The following WDR1 variants were observed in gnomAD, a reference collection of about 807,000 sequenced individuals.
WDR1 encodes the protein WD repeat-containing protein 1.
A neutral mutation model predicts 71.9 loss-of-function variants in WDR1; 21 were observed. The ratio of observed to expected loss-of-function variants is 0.29; its 90% CI spans 0.21 to 0.42. The LOEUF is 0.42. Ranked by LOEUF, WDR1 falls within the 10% of genes least tolerant of loss-of-function variation. The probability of loss-of-function intolerance (pLI) is 1.00; values close to 1 mark genes in which losing one functional copy is unlikely to be tolerated. For missense variants in WDR1, 696 were observed against 824.5 expected (o/e 0.84, Z 1.91); for synonymous variants, 424 against 347.4 (o/e 1.22, Z -2.45).
At chr4:10,100,485 G>C (rs1292651450) in intron 3 of WDR1, among the ~76,000 whole-genome samples, 2 of 152,256 alleles carry the variant, frequency 1.3e-5, no homozygotes, top group African/African-American at 2.4e-5. Flanking sequence ...CACAGGCCAC[G>C]AAGATGCCTT....
intron 6 of WDR1, 95 bp downstream of exon 6, chr4:10,088,569 T>G (rs113914931): frequency 4.9e-6 from 6 of 1,213,322 alleles, no homozygotes; most frequent in African/African-American, 3.0e-5. Flanking sequence ...AAGTTCTGCA[T>G]GTCAGGACTA....
At chr4:10,116,519 C>T (rs1713744918) in intron 1 of WDR1, 132 bp downstream of exon 1, 4 of 726,356 alleles carry the variant, frequency 5.5e-6, no homozygotes, top group Non-Finnish European at 5.2e-6. Context: ...GGCCCCGCCA[C>T]GCCTCCGGCC....
intron 5 of WDR1, among the ~76,000 whole-genome samples, chr4:10,090,832 C>T (rs561375978): frequency 6.6e-6 from 1 of 152,392 alleles, no homozygotes; most frequent in East Asian, 1.9e-4. Flanking sequence ...ACGTTTCCAT[C>T]CCAGTGGATG....
chr4:10,112,887 T>G (rs145616531), intron 2 of WDR1, among the ~76,000 whole-genome samples: 2 of 152,364 alleles, frequency 1.3e-5, no homozygotes, highest in East Asian at 3.9e-4. Flanking sequence ...GGCCTGGAGC[T>G]GATGCCCAGT....
chr4:10,093,121 C>T (rs776245586), intron 5 of WDR1: 33 of 1,289,436 alleles, frequency 2.6e-5, no homozygotes, highest in East Asian at 1.7e-4. Flanking sequence ...AGCGACAGAG[C>T]GCTGCAGGCC....
intron 8 of WDR1, among the ~76,000 whole-genome samples, chr4:10,086,380 G>A (rs533950740): frequency 1.5e-4 from 23 of 152,316 alleles, no homozygotes; most frequent in African/African-American, 5.5e-4. Flanking sequence ...CCTCTCAGCA[G>A]TGCTGCTGCC....
intron 5 of WDR1, chr4:10,094,701 G>A (rs1320000564): frequency 6.6e-6 from 1 of 152,168 alleles, no homozygotes; most frequent in Non-Finnish European, 1.5e-5. Context: ...CAATGTCACT[G>A]GGTAGGAATG....
At chr4:10,087,628 G>A (rs538612649) in intron 8 of WDR1, 79 bp downstream of exon 8, 77 of 1,380,018 alleles carry the variant, frequency 5.6e-5, no homozygotes, top group Middle Eastern at 5.0e-4. Flanking sequence ...GCTTCCCCTC[G>A]GTTCCCCTTC....
rs576974911 is a variant in WDR1, at chr4:10,088,650, A to C, written c.636+14T>G. On this transcript the variant is annotated intron_variant, in intron 6 of 14. Coordinates refer to ENST00000499869, the MANE Select transcript of WDR1 (RefSeq NM_017491.5). ...CAAGCCATTCCCCACCCCAAAACCC[A>C]TCCCAGTTCTTACCTGGCCGTCAGC... 1 of 1,594,998 alleles carries C rather than the reference A, an allele frequency of 6.3e-7. No individual in the cohort carries two copies. The highest frequency in any genetic ancestry group is 1.7e-5 in the Admixed American group (1 of 57,848).
At chr4:10,086,955 C>A (rs1164281894) in intron 8 of WDR1, among the ~76,000 whole-genome samples, 1 of 152,114 alleles carries the variant, frequency 6.6e-6, no homozygotes, top group Non-Finnish European at 1.5e-5. Flanking sequence ...GGCTCCTGTC[C>A]AGCTGCGAGA....
chr4:10,084,311 CG>C, intron 9 of WDR1, 131 bp downstream of exon 9: 1 of 766,520 alleles, frequency 1.3e-6, no homozygotes, highest in Non-Finnish European at 2.2e-6. Context: ...AGAAGCCACA[CG>C]GGTCAGAAGA....
Position 10,116,734 on chromosome 4 carries a change from A to T in WDR1, c.-68T>A, listed in dbSNP as rs1713767118. 2.3e-6 allele frequency: 3 copies of T among 1,282,754 alleles called. No individual in the cohort carries two copies. In the South Asian group the frequency reaches 6.8e-5, roughly 29 times the overall value. 79.5% of individuals were successfully genotyped at this position (1,282,754 alleles called of 1,614,324 possible). Reference sequence around the variant, plus strand: ...GGGGCCGGCCCGCGCTGCGAATTACACCTCGCCGAGGCCGAGCCCGGGGAC... The same window carrying T: ...GGGGCCGGCCCGCGCTGCGAATTACTCCTCGCCGAGGCCGAGCCCGGGGAC... On this transcript the variant is annotated 5_prime_UTR_variant, in exon 1 of 15. Transcript: ENST00000499869.
chr4:10,088,571 T>A (rs1373541993), intron 6 of WDR1, 93 bp downstream of exon 6: 11 of 1,233,600 alleles, frequency 8.9e-6, no homozygotes, highest in African/African-American at 1.5e-5. Context: ...GTTCTGCATG[T>A]CAGGACTAGC....
At chr4:10,102,341 G>A (rs757910235) in intron 3 of WDR1, among the ~76,000 whole-genome samples, 6 of 152,218 alleles carry the variant, frequency 3.9e-5, no homozygotes, top group Admixed American at 6.5e-5. Flanking sequence ...GTGTGACCTC[G>A]AAAACCATGT....
chr4:10,085,168 T>C (rs530327930), intron 8 of WDR1, among the ~76,000 whole-genome samples: 1 of 152,218 alleles, frequency 6.6e-6, no homozygotes, highest in Admixed American at 6.5e-5. Flanking sequence ...TATCTGAGCC[T>C]GAGACAAAAA....
At chr4:10,090,312 C>T (rs1291125111) in intron 5 of WDR1, among the ~76,000 whole-genome samples, 3 of 152,134 alleles carry the variant, frequency 2.0e-5, no homozygotes, top group Non-Finnish European at 4.4e-5. Flanking sequence ...CCCATTTCAC[C>T]AATGAGGAAA....
intron 14 of WDR1, chr4:10,077,043 G>C (rs1764824569): frequency 6.4e-6 from 3 of 467,838 alleles, no homozygotes; most frequent in Non-Finnish European, 1.1e-5. Context: ...GTGAGTGGGG[G>C]AAGTGAAGAT....
intron 5 of WDR1, among the ~76,000 whole-genome samples, chr4:10,094,338 G>A (rs1209813428): frequency 4.6e-5 from 7 of 152,192 alleles, no homozygotes; most frequent in Non-Finnish European, 5.9e-5. Context: ...CTGCTCACCC[G>A]ACCGGAGGAA....
At position 10,078,921 on chromosome 4, in the gene WDR1, G is replaced by A. The variant is rs369817887; in HGVS notation, c.1365C>T (p.Pro455=). 128 of 1,612,824 alleles carry A rather than the reference G, an allele frequency of 7.9e-5. No homozygotes were observed. In the East Asian group the frequency reaches 8.5e-4, roughly 11 times the overall value. The change falls in exon 12 of 15, where the codon CCC becomes CCT. Residue 455 remains proline (P), a synonymous_variant. Coordinates refer to ENST00000499869, the MANE Select transcript of WDR1 (RefSeq NM_017491.5). The part of the protein sequence containing the change: ...GYEPEVVAVH[P]GGDTVAIGGV... ...CCCCAATTGCCACCGTGTCCCCGCC[G>A]GGGTGCACTGCCACAACTTCGGGCT...
Sources: allele counts gnomAD v4.1 joint callset (sites outside exome capture counted in the v4.1 genomes callset), GRCh38; gene constraint gnomAD v4.1.1; transcripts MANE v1.5; gene names NCBI Gene and HGNC (gene_info 2026-07-23, HGNC 2026-07-21).